Variants in CNTNAP5 observed in about 807,000 individuals in gnomAD.
CNTNAP5 encodes contactin associated protein family member 5, also known as contactin-associated protein-like 5.
Under a neutral mutation model 150.2 loss-of-function variants are expected in CNTNAP5, and 72 were observed. That is an observed-to-expected ratio of 0.48 (90% confidence interval 0.40 to 0.58). The LOEUF (loss-of-function observed/expected upper bound fraction) is 0.58. Ranked by LOEUF, CNTNAP5 falls within the 20% of genes least tolerant of loss-of-function variation. CNTNAP5 has a pLI of 0.00. For synonymous variants in CNTNAP5, 672 were observed against 619.8 expected (o/e 1.08, Z -1.25); for missense variants, 1,636 against 1,626.2 (o/e 1.01, Z -0.10).
In CNTNAP5 at chr2:124,580,492, G is replaced by A. The variant is rs115271508; in HGVS notation, c.1756+17169G>A. On this transcript the variant is annotated intron_variant, in intron 11 of 23. Coordinates refer to ENST00000682447, the MANE Select transcript of CNTNAP5 (RefSeq NM_001367498.1). The stretch of plus-strand genomic sequence containing the variant: ...TCCACATATTTTCTTCTACCACGTG[G>A]CTGCACTGGTGTCTCTGAGACAAGT... Among the ~76,000 whole-genome samples, 484 of 152,318 alleles carry A rather than the reference G, an allele frequency of 3.2e-3. 2 individuals carry two copies. Among genetic ancestry groups the A allele is most frequent in the African/African-American group, 0.011 (453 of 41,566 alleles).
intron 13 of CNTNAP5, among the ~76,000 whole-genome samples, chr2:124,701,989 G>A (rs188816699): frequency 6.1e-4 from 93 of 151,926 alleles, no homozygotes; most frequent in Admixed American, 4.9e-3. Flanking sequence ...TGTAGTGAAC[G>A]TCAATATACT....
At chr2:124,879,924 C>G (rs1205703741) in intron 21 of CNTNAP5, among the ~76,000 whole-genome samples, 1 of 151,976 alleles carries the variant, frequency 6.6e-6, no homozygotes, top group Non-Finnish European at 1.5e-5. Context: ...TATAGGGACC[C>G]CTCTGAAGCT....
At chr2:124,620,738 C>A (rs1335151754) in intron 12 of CNTNAP5, among the ~76,000 whole-genome samples, 1 of 110,386 alleles carries the variant, frequency 9.1e-6, no homozygotes, top group Non-Finnish European at 2.0e-5. Flanking sequence ...TACACACACA[C>A]ACACATGCAC....
At chr2:124,710,578 G>A (rs1449571073) in intron 13 of CNTNAP5, among the ~76,000 whole-genome samples, 1 of 152,110 alleles carries the variant, frequency 6.6e-6, no homozygotes, top group Non-Finnish European at 1.5e-5. Flanking sequence ...GCAGAGTGTA[G>A]ACAATACACC....
chr2:124,703,436 C>A (rs1265330763), intron 13 of CNTNAP5, among the ~76,000 whole-genome samples: 3 of 152,138 alleles, frequency 2.0e-5, no homozygotes, highest in Admixed American at 6.6e-5. Flanking sequence ...TACTTTTTAA[C>A]CTCTGATCCA....
intron 3 of CNTNAP5, among the ~76,000 whole-genome samples, chr2:124,284,072 G>A (rs899951008): frequency 3.3e-5 from 5 of 152,154 alleles, no homozygotes; most frequent in African/African-American, 1.2e-4. Flanking sequence ...GTGAGAATAT[G>A]CGGTGTTTGG....
chr2:124,757,895 T>G (rs1695154157), intron 14 of CNTNAP5, among the ~76,000 whole-genome samples: 1 of 152,202 alleles, frequency 6.6e-6, no homozygotes, highest in Non-Finnish European at 1.5e-5. Context: ...AAATAGAATT[T>G]TATTGTCCAC....
intron 3 of CNTNAP5, among the ~76,000 whole-genome samples, chr2:124,256,400 T>C (rs1249846667): frequency 6.6e-6 from 1 of 152,086 alleles, no homozygotes; most frequent in African/African-American, 2.4e-5. Flanking sequence ...ATTTTTTTTT[T>C]AAGTTTAAAG....
chr2:124,753,101 G>T (rs1680764913), intron 14 of CNTNAP5, among the ~76,000 whole-genome samples: 1 of 152,128 alleles, frequency 6.6e-6, no homozygotes, highest in South Asian at 2.1e-4. Context: ...TCTGTTCTTT[G>T]CCTCTCGCCC....
At chr2:124,294,605 G>A (rs756126182) in intron 3 of CNTNAP5, among the ~76,000 whole-genome samples, 4 of 152,222 alleles carry the variant, frequency 2.6e-5, no homozygotes, top group Non-Finnish European at 2.9e-5. Context: ...GAATAAGGAT[G>A]AGATGGGTAC....
intron 1 of CNTNAP5, among the ~76,000 whole-genome samples, chr2:124,095,119 A>AT (rs1682903611): frequency 6.6e-6 from 1 of 152,206 alleles, no homozygotes; most frequent in Admixed American, 6.5e-5. Flanking sequence ...GATAGACTGG[A>AT]TAAAGAAAAT....
chr2:124,820,059 C>G (rs546842971), intron 19 of CNTNAP5, among the ~76,000 whole-genome samples: 1 of 152,258 alleles, frequency 6.6e-6, no homozygotes, highest in African/African-American at 2.4e-5. Context: ...AGAAATGGGC[C>G]AGACCTGGAC....
intron 13 of CNTNAP5, among the ~76,000 whole-genome samples, chr2:124,727,872 C>T (rs941533564): frequency 3.5e-4 from 51 of 145,994 alleles, no homozygotes; most frequent in Non-Finnish European, 4.6e-5. Flanking sequence ...AATGGGCATC[C>T]TTTCCTTGTT....
At chr2:124,287,428 G>A (rs1688183993) in intron 3 of CNTNAP5, among the ~76,000 whole-genome samples, 1 of 152,166 alleles carries the variant, frequency 6.6e-6, no homozygotes, top group Admixed American at 6.6e-5. Context: ...TCCCTGTCAA[G>A]CTTCGTTAAT....
chr2:124,461,228 G>A (rs1462420922), intron 6 of CNTNAP5, among the ~76,000 whole-genome samples: 1 of 152,026 alleles, frequency 6.6e-6, no homozygotes, highest in Non-Finnish European at 1.5e-5. Context: ...ACATGCAGAC[G>A]TATGTTTATT....
intron 4 of CNTNAP5, among the ~76,000 whole-genome samples, chr2:124,421,206 T>C (rs1354496722): frequency 1.3e-5 from 2 of 152,214 alleles, no homozygotes; most frequent in Non-Finnish European, 2.9e-5. Context: ...CATCTGTATC[T>C]CATGGCCTGA....
At chr2:124,755,945 C>T (rs1361594333) in intron 14 of CNTNAP5, among the ~76,000 whole-genome samples, 3 of 152,092 alleles carry the variant, frequency 2.0e-5, no homozygotes, top group Non-Finnish European at 4.4e-5. Flanking sequence ...AGTCATTTAG[C>T]GTCTCTGAGC....
chr2:124,496,807 T>C (rs538843352), intron 7 of CNTNAP5, among the ~76,000 whole-genome samples: 5 of 152,336 alleles, frequency 3.3e-5, no homozygotes, highest in African/African-American at 9.6e-5. Flanking sequence ...GAGCAGACTG[T>C]CTGTCTTCCT....
intron 17 of CNTNAP5, among the ~76,000 whole-genome samples, chr2:124,788,342 C>G (rs1681642304): frequency 6.6e-6 from 1 of 152,174 alleles, no homozygotes; most frequent in African/African-American, 2.4e-5. Context: ...TAAAATCTCT[C>G]TGAAATCTTC....
Sources: gnomAD v4.1 joint callset for allele counts (sites outside exome capture counted in the v4.1 genomes callset) on GRCh38, gnomAD v4.1.1 for gene constraint, MANE v1.5 for transcripts, NCBI Gene and HGNC (gene_info 2026-07-23, HGNC 2026-07-21) for gene names.